Variants in KCNIP1 observed in about 807,000 individuals in gnomAD.
KCNIP1 encodes potassium voltage-gated channel interacting protein 1.
A neutral mutation model predicts 33.0 loss-of-function variants in KCNIP1; 18 were observed. That is an observed-to-expected ratio of 0.55 (90% CI 0.38 to 0.81). KCNIP1 has a LOEUF of 0.81. Among genes scored for constraint, KCNIP1 ranks in the 30% least tolerant of loss-of-function variants. The pLI is 0.00. For missense variants in KCNIP1, 238 were observed against 271.6 expected (o/e 0.88, Z 0.87); for synonymous variants, 93 against 98.3 (o/e 0.95, Z 0.32).
intron 1 of KCNIP1, among the ~76,000 whole-genome samples, chr5:170,551,687 AGAGT>A (rs773079997): frequency 2.7e-5 from 4 of 150,498 alleles, no homozygotes; most frequent in Non-Finnish European, 4.4e-5. Flanking sequence ...AGTGTGGATG[AGAGT>A]GTGTATGTGT....
At chr5:170,598,002 G>C (rs1053247655) in intron 1 of KCNIP1, among the ~76,000 whole-genome samples, 31 of 152,110 alleles carry the variant, frequency 2.0e-4, no homozygotes, top group Non-Finnish European at 1.5e-5. Flanking sequence ...TCCCTGCCAA[G>C]CCCTGTGCTA....
At position 170,366,525 on chromosome 5, in the gene KCNIP1, A is replaced by G. The variant is rs552595553; in HGVS notation, c.88+12561A>G. ...AAAGACATCAGGCACAGGCTCCCCCATGTTCATTATATCTGGAAATTTCAG... is the reference window on the plus strand; with the variant it reads ...AAAGACATCAGGCACAGGCTCCCCCGTGTTCATTATATCTGGAAATTTCAG... On this transcript the variant is annotated intron_variant, in intron 1 of 7. Coordinates refer to the KCNIP1 transcript ENST00000377360. Among the ~76,000 whole-genome samples, 9 of 152,298 alleles carry G rather than the reference A, an allele frequency of 5.9e-5. No individual in the cohort carries two copies. The South Asian group carries it at 1.7e-3, about 28-fold the overall frequency.
intron 1 of KCNIP1, among the ~76,000 whole-genome samples, chr5:170,636,622 T>C (rs1222536245): frequency 6.6e-6 from 1 of 152,164 alleles, no homozygotes; most frequent in Non-Finnish European, 1.5e-5. Flanking sequence ...ATCCTGGACT[T>C]ATCCCTGTTT....
At chr5:170,681,262 G>A (rs1489334053) in intron 1 of KCNIP1, 1 of 397,116 alleles carries the variant, frequency 2.5e-6, no homozygotes, top group Non-Finnish European at 4.4e-6. Context: ...GAAAATGCAC[G>A]GAAATGAGGG....
intron 1 of KCNIP1, among the ~76,000 whole-genome samples, chr5:170,551,585 A>G (rs756666580): frequency 1.3e-5 from 2 of 152,004 alleles, no homozygotes; most frequent in Non-Finnish European, 2.9e-5. Context: ...TCTTTCCTTC[A>G]CCACACAGTA....
At chr5:170,359,721 C>A (rs1195160376) in intron 1 of KCNIP1, among the ~76,000 whole-genome samples, 5 of 152,162 alleles carry the variant, frequency 3.3e-5, no homozygotes, top group African/African-American at 1.2e-4. Context: ...GTCCAGTAGC[C>A]TTCATCCCAG....
At chr5:170,382,478 T>C (rs1764280533) in intron 1 of KCNIP1, among the ~76,000 whole-genome samples, 1 of 152,150 alleles carries the variant, frequency 6.6e-6, no homozygotes, top group Non-Finnish European at 1.5e-5. Flanking sequence ...CTTTTCCAGC[T>C]GCATACACCC....
At chr5:170,482,152 A>T (rs1756991410) in intron 1 of KCNIP1, among the ~76,000 whole-genome samples, 1 of 152,118 alleles carries the variant, frequency 6.6e-6, no homozygotes. Context: ...AATGTGGGTG[A>T]TATTAATATT....
intron 1 of KCNIP1, among the ~76,000 whole-genome samples, chr5:170,418,637 C>T (rs1755395200): frequency 6.6e-6 from 1 of 152,214 alleles, no homozygotes; most frequent in Non-Finnish European, 1.5e-5. Context: ...CTGCAACATT[C>T]CATTCAGAGC....
chr5:170,573,929 T>C (rs780650766), intron 1 of KCNIP1, among the ~76,000 whole-genome samples: 17 of 137,122 alleles, frequency 1.2e-4, no homozygotes, highest in Admixed American at 2.2e-4. Flanking sequence ...TTGGGTACTC[T>C]GTCTGTTGTG....
At chr5:170,488,000 T>C (rs1757133913) in intron 1 of KCNIP1, among the ~76,000 whole-genome samples, 1 of 152,180 alleles carries the variant, frequency 6.6e-6, no homozygotes, top group African/African-American at 2.4e-5. Flanking sequence ...AATATCTTCC[T>C]TGATCCCACC....
At chr5:170,387,465 G>T (rs939574835) in intron 1 of KCNIP1, among the ~76,000 whole-genome samples, 1 of 152,150 alleles carries the variant, frequency 6.6e-6, no homozygotes, top group African/African-American at 2.4e-5. Flanking sequence ...AAGAGACCAG[G>T]GTCAGGCACC....
At chr5:170,585,137 CA>C (rs1226455192) in intron 1 of KCNIP1, among the ~76,000 whole-genome samples, 2 of 149,718 alleles carry the variant, frequency 1.3e-5, no homozygotes, top group East Asian at 3.9e-4. Flanking sequence ...CGAAAATATT[CA>C]AAACCAAAAA....
chr5:170,551,760 T>G (rs757417815), intron 1 of KCNIP1, among the ~76,000 whole-genome samples: 63 of 151,910 alleles, frequency 4.1e-4, no homozygotes, highest in Non-Finnish European at 7.6e-4. Flanking sequence ...TGTGTGTGTA[T>G]GTGTAGGTGT....
chr5:170,412,116 G>T (rs1435945232), intron 1 of KCNIP1, among the ~76,000 whole-genome samples: 7 of 152,200 alleles, frequency 4.6e-5, no homozygotes, highest in African/African-American at 1.7e-4. Context: ...TGAGAGATGA[G>T]GCATAACAAA....
At chr5:170,421,122 G>A (rs1755477837) in intron 1 of KCNIP1, among the ~76,000 whole-genome samples, 1 of 152,198 alleles carries the variant, frequency 6.6e-6, no homozygotes, top group Admixed American at 6.5e-5. Flanking sequence ...TGGGGTTGGA[G>A]GGGGTGTTGT....
At chr5:170,635,829 G>A (rs1760258086) in intron 1 of KCNIP1, among the ~76,000 whole-genome samples, 1 of 152,260 alleles carries the variant, frequency 6.6e-6, no homozygotes, top group South Asian at 2.1e-4. Context: ...CCACGCTGAT[G>A]GGCTAGACCA....
chr5:170,723,658 G>A (rs1353969423), intron 5 of KCNIP1, among the ~76,000 whole-genome samples: 1 of 114,186 alleles, frequency 8.8e-6, no homozygotes, highest in Admixed American at 7.8e-5. Context: ...CTTATTAGGT[G>A]TTCTAGGTGC....
At chr5:170,353,911 T>C in exon 1 of KCNIP1, 1 of 1,614,198 alleles carries the variant, frequency 6.2e-7, no homozygotes, top group Non-Finnish European at 8.5e-7. Context: ...AAGCTTGGGT[T>C]CGTGAAATTT....
Sources: gnomAD v4.1 joint callset for allele counts (sites outside exome capture counted in the v4.1 genomes callset) on GRCh38, gnomAD v4.1.1 for gene constraint, MANE v1.5 for transcripts, NCBI Gene and HGNC (gene_info 2026-07-23, HGNC 2026-07-21) for gene names.